Variants in CEP290 observed in about 807,000 individuals in gnomAD.
The protein encoded by CEP290 is centrosomal protein 290.
CEP290 carries 317 observed loss-of-function variants against 344.9 expected under a neutral mutation model. The ratio of observed to expected loss-of-function variants is 0.92; its 90% CI spans 0.84 to 1.01. The LOEUF (loss-of-function observed/expected upper bound fraction) is 1.01, where lower values mean the gene tolerates loss of function less well. Among genes scored for constraint, CEP290 ranks in the 50% least tolerant of loss-of-function variants. The probability of loss-of-function intolerance (pLI) is 0.00; values close to 1 mark genes in which losing one functional copy is unlikely to be tolerated. For missense variants in CEP290, 2,754 were observed against 2,761.4 expected (o/e 1.00, Z 0.06); for synonymous variants, 932 against 895.8 (o/e 1.04, Z -0.72).
chr12:88,085,387 T>C (rs2036502670), intron 34 of CEP290, among the ~76,000 whole-genome samples: 1 of 152,092 alleles, frequency 6.6e-6, no homozygotes, highest in Non-Finnish European at 1.5e-5. Context: ...AGTAATTCAA[T>C]GGCAATTCAC....
Position 88,062,727 on chromosome 12 carries a change from CT to C in CEP290, c.6321del (p.Ala2108GlnfsTer29). The C allele has an allele frequency of 6.2e-7, 1 of 1,601,342 alleles. No individual in the cohort carries two copies. The highest frequency in any genetic ancestry group is 8.5e-7 in the Non-Finnish European group (1 of 1,173,180). On this transcript the variant is annotated frameshift_variant, in exon 46 of 54. Coordinates refer to ENST00000552810, the MANE Select transcript of CEP290 (RefSeq NM_025114.4). LOFTEE classifies it high-confidence loss of function. ...TGGCCAAGTTTCCGCTGAACTTCTG[CT>C]TTTTCTTTCTTAAGAAATTCACACA... ...KEMCEFLKKEKAEVQRKLGHV... is the reference protein window; with the variant it reads ...KEMCEFLKKEXAEVQRKLGHV...
chr12:88,106,594 G>C, intron 25 of CEP290, 81 bp downstream of exon 25: 2 of 791,566 alleles, frequency 2.5e-6, no homozygotes, highest in Non-Finnish European at 3.9e-6. Context: ...TTCAGGTGAT[G>C]AGCATTATTG....
At position 88,084,805 on chromosome 12, in the gene CEP290, T is replaced by C. The variant is rs1328019408; in HGVS notation, c.4485A>G (p.Ile1495Met). The C allele has an allele frequency of 1.2e-6, 2 of 1,609,280 alleles. No individual in the cohort carries two copies. The highest frequency in any genetic ancestry group is 1.7e-6 in the Non-Finnish European group (2 of 1,178,056). The change falls in exon 35 of 54, where the codon ATA becomes ATG. Residue 1495 changes from isoleucine to methionine, a missense_variant. Coordinates refer to ENST00000552810, the MANE Select transcript of CEP290 (RefSeq NM_025114.4). ...CATTGATTACTTTGTCTCTTGACAG[T>C]ATATTTTGTTCTGCTAACCTTAAAG... ...ESALRLAEQN[I>M]LSRDKVINEL...
Position 88,090,708 on chromosome 12 carries a change from A to G in CEP290, c.3573+20T>C. On this transcript the variant is annotated intron_variant, in intron 30 of 53. Coordinates refer to ENST00000552810, the MANE Select transcript of CEP290 (RefSeq NM_025114.4). The stretch of plus-strand genomic sequence containing the variant: ...GGGAAAAAAGTGGATTCTATGTAGA[A>G]GAGCCAATACTGCACATACCTGATA... The G allele has an allele frequency of 7.3e-7, 1 of 1,375,540 alleles. No individual in the cohort carries two copies. Among genetic ancestry groups the G allele is most frequent in the Non-Finnish European group, 1.0e-6 (1 of 990,366 alleles). The allele number at this position is 1,375,540 out of a possible 1,614,324, so 85.2% of individuals were successfully genotyped here.
Position 88,083,216 on chromosome 12 carries a change from CTGTTTCATTAAA to C in CEP290, c.4815_4826del (p.Asp1605_Gln1609delinsGlu). On this transcript the variant is annotated inframe_deletion and splice_region_variant, in exon 37 of 54. Coordinates refer to ENST00000552810, the MANE Select transcript of CEP290 (RefSeq NM_025114.4). ...TGTTGGTAGGAACTGGAGTGGGAGA[CTGTTTCATTAAA>C]TCCTATAAAATATGAATATATTAGC... is the stretch of plus-strand genomic sequence containing the variant. 1 of 1,482,206 alleles carries C rather than the reference CTGTTTCATTAAA, an allele frequency of 6.7e-7. No individual in the cohort carries two copies. Among genetic ancestry groups the C allele is most frequent in the Non-Finnish European group, 8.9e-7 (1 of 1,119,304 alleles). 91.8% of individuals were successfully genotyped at this position (1,482,206 alleles called of 1,614,324 possible).
At chr12:88,049,570 T>C (rs112178328) in intron 53 of CEP290, 156 bp from the exon 54 acceptor site, 6 of 564,350 alleles carry the variant, frequency 1.1e-5, no homozygotes, top group African/African-American at 5.8e-5. Flanking sequence ...CTTTGTTCCA[T>C]TGTACAGTGT....
intron 51 of CEP290, 52 bp downstream of exon 51, chr12:88,054,288 A>G: frequency 8.3e-7 from 1 of 1,209,836 alleles, no homozygotes; most frequent in Non-Finnish European, 1.2e-6. Context: ...AAAAACTAAT[A>G]ATTTTTTTTT....
rs761225738 is a variant in CEP290, at chr12:88,130,344, C to T, written c.593G>A (p.Arg198Lys). 10 of 1,610,168 alleles carry T rather than the reference C, an allele frequency of 6.2e-6. No individual in the cohort carries two copies. The highest frequency in any genetic ancestry group is 1.7e-5 in the Admixed American group (1 of 59,506). ...DSQKETLLSR[R>K]GEDSDYRSQL... Reference sequence around the variant, plus strand: ...TGATCGGTAGTCACTGTCTTCCCCTCTTCTTGATAAAAGTGTTTCTTTCTG... The same window carrying T: ...TGATCGGTAGTCACTGTCTTCCCCTTTTCTTGATAAAAGTGTTTCTTTCTG... Residue 198 changes from arginine to lysine, a missense_variant, in exon 9 of 54, where the codon AGA becomes AAA. By Grantham distance (26) the Arg-to-Lys change is conservative. Transcript: ENST00000552810.
Position 88,084,633 on chromosome 12 carries a change from C to G in CEP290, c.4657G>C (p.Glu1553Gln). The G allele has an allele frequency of 1.9e-6, 3 of 1,613,178 alleles. No individual in the cohort carries two copies. The highest frequency in any genetic ancestry group is 1.7e-4 in the Middle Eastern group (1 of 6,056). The change falls in exon 35 of 54, where the codon GAA becomes CAA. Residue 1553 changes from glutamate (E) to glutamine (Q), a missense_variant. By Grantham distance (29) the Glu-to-Gln change is conservative. Transcript: ENST00000552810. ...CGTTGATACTTCTTTAATACTTCTTCTTTTTGATTTAACCTTGCTTGCATG... is the reference window on the plus strand; with the variant it reads ...CGTTGATACTTCTTTAATACTTCTTGTTTTTGATTTAACCTTGCTTGCATG... ...ANMQARLNQK[E>Q]EVLKKYQRLL...
At position 88,141,321 on chromosome 12, in the gene CEP290, A is replaced by G. The variant is rs1565933755; in HGVS notation, c.-14T>C. 1 of 1,555,678 alleles carries G rather than the reference A, an allele frequency of 6.4e-7. No homozygotes were observed. The highest frequency in any genetic ancestry group is 1.7e-5 in the Admixed American group (1 of 58,564). On this transcript the variant is annotated 5_prime_UTR_variant, in exon 2 of 54. Transcript: ENST00000552810. ...ATTAGGTGGCATCTTGAATTCTTTC[A>G]CTGTGCTCCACCTCTGTAACAAAAC...
At position 88,055,660 on chromosome 12, in the gene CEP290, G is replaced by A. The variant is rs538590274; in HGVS notation, c.6876C>T (p.Ser2292=). Residue 2292 remains serine (S), a synonymous_variant, in exon 50 of 54, where the codon AGC becomes AGT. Coordinates refer to ENST00000552810, the MANE Select transcript of CEP290 (RefSeq NM_025114.4). ...TTACAAGCTGTTTAAGGTCAGTAATGCTTTGATTTTTTTTGGCAATATCAG... is the reference window on the plus strand; with the variant it reads ...TTACAAGCTGTTTAAGGTCAGTAATACTTTGATTTTTTTTGGCAATATCAG... ...LETDIAKKNQ[S]ITDLKQLVKE... The A allele has an allele frequency of 5.7e-5, 89 of 1,556,266 alleles. No homozygotes were observed. The highest frequency in any genetic ancestry group is 4.3e-6 in the Non-Finnish European group (5 of 1,151,170).
chr12:88,117,016 C>T lies in CEP290; in HGVS notation c.1824+17G>A. ...AAAATATTTTCCTTTACTCTCTTTGCAATACTTTACTATTACCTTTGATTG... is the reference window on the plus strand; with the variant it reads ...AAAATATTTTCCTTTACTCTCTTTGTAATACTTTACTATTACCTTTGATTG... On this transcript the variant is annotated intron_variant, in intron 18 of 53. Coordinates refer to ENST00000552810, the MANE Select transcript of CEP290 (RefSeq NM_025114.4). 8.2e-6 allele frequency: 9 copies of T among 1,100,606 alleles called. No individual in the cohort carries two copies. Among genetic ancestry groups the T allele is most frequent in the Non-Finnish European group, 1.1e-5 (8 of 750,516 alleles). 68.2% of individuals were successfully genotyped at this position (1,100,606 alleles called of 1,614,324 possible).
chr12:88,055,419 C>A (rs2033916684), intron 50 of CEP290, among the ~76,000 whole-genome samples, 157 bp downstream of exon 50: 1 of 152,050 alleles, frequency 6.6e-6, no homozygotes, highest in African/African-American at 2.4e-5. Context: ...CGTTGATGAT[C>A]CAAAGTTTCT....
chr12:88,112,879 C>G (rs1015076906), intron 20 of CEP290, among the ~76,000 whole-genome samples: 2 of 151,994 alleles, frequency 1.3e-5, no homozygotes, highest in Non-Finnish European at 2.9e-5. Flanking sequence ...AGTTAGTTGT[C>G]TCATTGAGGA....
chr12:88,141,612 C>T (rs1266475578), intron 1 of CEP290, among the ~76,000 whole-genome samples: 2 of 152,046 alleles, frequency 1.3e-5, no homozygotes, highest in Admixed American at 1.3e-4. Flanking sequence ...TCCTCCACAC[C>T]CCTACCCACA....
Position 88,125,349 on chromosome 12 carries a change from A to T in CEP290, c.1086T>A (p.Ser362Arg). The T allele has an allele frequency of 7.6e-7, 1 of 1,321,038 alleles. No homozygotes were observed. The highest frequency in any genetic ancestry group is 9.9e-7 in the Non-Finnish European group (1 of 1,007,354). 81.8% of individuals were successfully genotyped at this position (1,321,038 alleles called of 1,614,324 possible). ...ALQQGIQERDSQIKMLTEQVE... is the reference protein window; with the variant it reads ...ALQQGIQERDRQIKMLTEQVE... ...CTTGTTCGGTGAGCATCTTAATTTG[A>T]CTGTCTCGTTCCTGTATACCCTATA... is the stretch of plus-strand genomic sequence containing the variant. The change falls in exon 13 of 54, where the codon AGT becomes AGA. Residue 362 changes from serine to arginine, a missense_variant. Coordinates refer to ENST00000552810, the MANE Select transcript of CEP290 (RefSeq NM_025114.4).
At chr12:88,082,821 C>G (rs1357640900) in intron 37 of CEP290, among the ~76,000 whole-genome samples, 1 of 152,116 alleles carries the variant, frequency 6.6e-6, no homozygotes, top group Admixed American at 6.5e-5. Flanking sequence ...TCCCATCTAC[C>G]CCCAGACATG....
At chr12:88,088,833 A>G (rs753635316) in intron 31 of CEP290, among the ~76,000 whole-genome samples, 199 bp downstream of exon 31, 5 of 152,112 alleles carry the variant, frequency 3.3e-5, no homozygotes, top group Non-Finnish European at 5.9e-5. Flanking sequence ...TGTCTCTACA[A>G]AAAAATTTAA....
chr12:88,060,332 G>T (rs1404908890), intron 47 of CEP290, among the ~76,000 whole-genome samples: 2 of 152,192 alleles, frequency 1.3e-5, no homozygotes, highest in African/African-American at 4.8e-5. Context: ...GGCCGCAGTG[G>T]GCGGATCACG....
Sources: allele counts gnomAD v4.1 joint callset (sites outside exome capture counted in the v4.1 genomes callset), GRCh38; gene constraint gnomAD v4.1.1; transcripts MANE v1.5; gene names NCBI Gene and HGNC (gene_info 2026-07-23, HGNC 2026-07-21).